PREP: variants seen among roughly 807,000 people sequenced by gnomAD.
The protein encoded by PREP is prolyl endopeptidase.
A neutral mutation model predicts 87.6 loss-of-function variants in PREP; 29 were observed. That is an observed-to-expected ratio of 0.33 (90% CI 0.25 to 0.45). The LOEUF (loss-of-function observed/expected upper bound fraction) is 0.45, where lower values mean the gene tolerates loss of function less well. Ranked by LOEUF, PREP falls within the 20% of genes least tolerant of loss-of-function variation. The pLI, the probability that PREP is intolerant of heterozygous loss-of-function variation, is 1.00. For synonymous variants in PREP, 337 were observed against 328.6 expected (o/e 1.03, Z -0.28); for missense variants, 695 against 886.5 (o/e 0.78, Z 2.74).
At chr6:105,332,281 T>A (rs1268687248) in intron 8 of PREP, among the ~76,000 whole-genome samples, 1 of 151,928 alleles carries the variant, frequency 6.6e-6, no homozygotes, top group African/African-American at 2.4e-5. Flanking sequence ...GCAGCTGGAA[T>A]CAGCTGCTCC....
At chr6:105,400,724 A>C (rs970349764) in intron 1 of PREP, among the ~76,000 whole-genome samples, 1 of 152,172 alleles carries the variant, frequency 6.6e-6, no homozygotes, top group African/African-American at 2.4e-5. Context: ...TTGCACAAGA[A>C]GTGTCATGGC....
chr6:105,302,494 C>A (rs1267889269), intron 10 of PREP: 3 of 358,134 alleles, frequency 8.4e-6, no homozygotes, highest in Non-Finnish European at 1.6e-5. Flanking sequence ...TACGGCCGCT[C>A]CTTCCGCGGC....
At chr6:105,299,168 G>A (rs1264721495) in intron 10 of PREP, among the ~76,000 whole-genome samples, 1 of 152,192 alleles carries the variant, frequency 6.6e-6, no homozygotes, top group Non-Finnish European at 1.5e-5. Flanking sequence ...CAGCCCTGAG[G>A]ATATAAGATA....
intron 9 of PREP, among the ~76,000 whole-genome samples, chr6:105,327,790 T>C (rs1313526673): frequency 6.6e-6 from 1 of 152,234 alleles, no homozygotes; most frequent in Admixed American, 6.5e-5. Context: ...TTCAGCCAGA[T>C]TGCTTTTAGG....
chr6:105,286,917 T>C (rs1023099792), intron 11 of PREP, among the ~76,000 whole-genome samples: 9 of 204 alleles, frequency 0.044, no homozygotes, highest in African/African-American at 0.14. Context: ...GTTGTCTTGA[T>C]CCTGGACCAC....
intron 10 of PREP, among the ~76,000 whole-genome samples, chr6:105,321,440 G>A (rs1453050733): frequency 2.6e-5 from 4 of 152,234 alleles, no homozygotes; most frequent in African/African-American, 7.2e-5. Flanking sequence ...GCGCCGAAGC[G>A]CATGTTCTCC....
At chr6:105,346,747 G>A (rs943951587) in intron 7 of PREP, among the ~76,000 whole-genome samples, 3 of 152,146 alleles carry the variant, frequency 2.0e-5, no homozygotes, top group East Asian at 1.9e-4. Flanking sequence ...TCAGACTTAC[G>A]GTTCTTTTTG....
intron 10 of PREP, among the ~76,000 whole-genome samples, chr6:105,311,832 T>C (rs1053914952): frequency 6.6e-6 from 1 of 152,158 alleles, no homozygotes; most frequent in Non-Finnish European, 1.5e-5. Context: ...CAGCCATACA[T>C]AGACATAAAT....
At chr6:105,386,465 A>G (rs941374863) in intron 2 of PREP, among the ~76,000 whole-genome samples, 1 of 152,162 alleles carries the variant, frequency 6.6e-6, no homozygotes, top group African/African-American at 2.4e-5. Flanking sequence ...AGTCATGTAT[A>G]TGATTAAATG....
In PREP at chr6:105,303,158, A is replaced by G. The variant is rs1358750120; in HGVS notation, c.1318-14264T>C. Among the ~76,000 whole-genome samples the G allele has an allele frequency of 3.4e-5, 5 of 145,522 alleles. No individual in the cohort carries two copies. The East Asian group carries it at 6.2e-4, about 18-fold the overall frequency. The stretch of plus-strand genomic sequence containing the variant: ...ATGTATGTATGTATGTATGTATGTA[A>G]AGCAATCCTCATCCTCCTGGCTCAG... On this transcript the variant is annotated intron_variant, in intron 10 of 14. Coordinates refer to ENST00000652536, the MANE Select transcript of PREP (RefSeq NM_002726.5).
At chr6:105,348,843 C>CACT (rs1282659845) in intron 7 of PREP, among the ~76,000 whole-genome samples, 1 of 150,734 alleles carries the variant, frequency 6.6e-6, no homozygotes, top group African/African-American at 2.4e-5. Context: ...CACGCCACTG[C>CACT]ACTCCAGCCT....
chr6:105,351,577 T>G (rs1201270473), intron 7 of PREP, among the ~76,000 whole-genome samples: 3 of 152,202 alleles, frequency 2.0e-5, no homozygotes, highest in African/African-American at 7.2e-5. Flanking sequence ...CAAAATATTA[T>G]TACGCCTTAT....
At chr6:105,321,588 G>A (rs137953925) in intron 10 of PREP, among the ~76,000 whole-genome samples, 5 of 152,196 alleles carry the variant, frequency 3.3e-5, no homozygotes, top group Admixed American at 3.3e-4. Context: ...TAACTAGCTT[G>A]TCATCTATAA....
chr6:105,321,000 C>T (rs1359155480), intron 10 of PREP, among the ~76,000 whole-genome samples: 1 of 152,214 alleles, frequency 6.6e-6, no homozygotes, highest in Non-Finnish European at 1.5e-5. Flanking sequence ...TGCACACATA[C>T]ACTTGAATCT....
At chr6:105,293,525 T>C (rs1436710601) in intron 10 of PREP, among the ~76,000 whole-genome samples, 1 of 150,194 alleles carries the variant, frequency 6.7e-6, no homozygotes, top group East Asian at 1.9e-4. Context: ...CACAGAGGCA[T>C]GAATAAGCAC....
chr6:105,321,140 T>C (rs1770995036), intron 10 of PREP, among the ~76,000 whole-genome samples: 1 of 152,240 alleles, frequency 6.6e-6, no homozygotes. Context: ...ATGAGGTATA[T>C]AATCAGTAGA....
intron 2 of PREP, among the ~76,000 whole-genome samples, chr6:105,388,237 A>G (rs1421908865): frequency 2.0e-5 from 3 of 152,150 alleles, no homozygotes; most frequent in Admixed American, 1.3e-4. Context: ...TTGGCCAATC[A>G]AGACTCCTTC....
At chr6:105,362,212 G>A (rs531857271) in intron 6 of PREP, among the ~76,000 whole-genome samples, 2 of 152,322 alleles carry the variant, frequency 1.3e-5, no homozygotes, top group South Asian at 4.1e-4. Flanking sequence ...TGTAATCCCA[G>A]CACTTTGGGA....
intron 6 of PREP, among the ~76,000 whole-genome samples, chr6:105,355,168 C>T (rs1292652411): frequency 1.3e-5 from 2 of 148,368 alleles, no homozygotes; most frequent in African/African-American, 5.0e-5. Flanking sequence ...AACCTGCAAT[C>T]TCTGCCTCCT....
Sources: gnomAD v4.1 joint callset for allele counts (sites outside exome capture counted in the v4.1 genomes callset) on GRCh38, gnomAD v4.1.1 for gene constraint, MANE v1.5 for transcripts, NCBI Gene and HGNC (gene_info 2026-07-23, HGNC 2026-07-21) for gene names.